Variants in ROBO1 observed in about 807,000 individuals in gnomAD.
The protein encoded by ROBO1 is roundabout guidance receptor 1.
A neutral mutation model predicts 195.9 loss-of-function variants in ROBO1; 149 were observed. The ratio of observed to expected loss-of-function variants is 0.76; its 90% CI spans 0.67 to 0.87. The LOEUF (loss-of-function observed/expected upper bound fraction) is 0.87, where lower values mean the gene tolerates loss of function less well. Ranked by LOEUF, ROBO1 falls within the 40% of genes least tolerant of loss-of-function variation. The pLI is 0.00. For missense variants in ROBO1, 1,933 were observed against 2,068.3 expected, an observed-to-expected ratio of 0.93 and a Z score of 1.27; for synonymous variants, 816 against 733.2, an observed-to-expected ratio of 1.11 and a Z score of -1.82.
At chr3:78,735,321 T>C (rs1433726359) in intron 5 of ROBO1, among the ~76,000 whole-genome samples, 1 of 152,150 alleles carries the variant, frequency 6.6e-6, no homozygotes, top group Non-Finnish European at 1.5e-5. Context: ...AGGATCCTAA[T>C]AAACAGGCAA....
intron 2 of ROBO1, among the ~76,000 whole-genome samples, chr3:79,287,343 C>T (rs1370342952): frequency 6.6e-6 from 1 of 152,064 alleles, no homozygotes; most frequent in Non-Finnish European, 1.5e-5. Flanking sequence ...AGTAACAAGC[C>T]TGGTTTGAGT....
At chr3:79,232,120 G>A (rs2082330648) in intron 2 of ROBO1, among the ~76,000 whole-genome samples, 1 of 151,852 alleles carries the variant, frequency 6.6e-6, no homozygotes, top group Non-Finnish European at 1.5e-5. Flanking sequence ...TAATACTTGG[G>A]TGATGAAATA....
chr3:78,598,989 AT>A, intron 30 of ROBO1, 62 bp from the exon 31 acceptor site: 2 of 887,172 alleles, frequency 2.3e-6, no homozygotes. Flanking sequence ...TGTTATATTT[AT>A]TTATATGCAT....
intron 4 of ROBO1, among the ~76,000 whole-genome samples, chr3:78,890,531 G>T (rs772884182): frequency 1.3e-5 from 2 of 152,092 alleles, no homozygotes; most frequent in African/African-American, 2.4e-5. Context: ...ATGACAATTT[G>T]TTATAGGAGC....
intron 2 of ROBO1, among the ~76,000 whole-genome samples, chr3:79,327,576 C>T (rs1267489627): frequency 6.6e-6 from 1 of 151,602 alleles, no homozygotes; most frequent in Non-Finnish European, 1.5e-5. Context: ...ATAGATTCCT[C>T]AAAATAAAAT....
rs1703501436 is a variant in ROBO1, at chr3:78,607,005, T to G, written c.4472A>C (p.Lys1491Thr). The G allele has an allele frequency of 6.2e-7, 1 of 1,612,734 alleles. No individual in the cohort carries two copies. Among genetic ancestry groups the G allele is most frequent in the African/African-American group, 1.3e-5 (1 of 74,984 alleles). The change falls in exon 29 of 31, where the codon AAG becomes ACG. Residue 1491 changes from lysine to threonine, a missense_variant. Lys to Thr is a moderately conservative substitution (Grantham distance 78, BLOSUM62 -1). Around this residue, in one of 3 missense-constraint regions of ROBO1, gnomAD observed 1,737 missense variants for 1,882.5 expected, o/e 0.92. Coordinates refer to ENST00000464233, the MANE Select transcript of ROBO1 (RefSeq NM_002941.4). ...PPPPVPPPAI[K>T]SPTAQSKTQL... The stretch of plus-strand genomic sequence containing the variant: ...TGTCTTGGATTGGGCAGTAGGTGAC[T>G]TTATAGCAGGTGGCGGCACAGGAGG...
intron 2 of ROBO1, among the ~76,000 whole-genome samples, chr3:79,372,591 C>T (rs537616260): frequency 7.2e-5 from 11 of 152,096 alleles, no homozygotes; most frequent in Admixed American, 3.9e-4. Flanking sequence ...TGCCTTCCCC[C>T]CTACCCCTCA....
chr3:79,343,751 A>T (rs2035000065), intron 2 of ROBO1, among the ~76,000 whole-genome samples: 1 of 152,206 alleles, frequency 6.6e-6, no homozygotes, highest in African/African-American at 2.4e-5. Flanking sequence ...AAGGAAGAAC[A>T]GCAAACAAAG....
chr3:78,945,193 T>G (rs1028699934), intron 3 of ROBO1, among the ~76,000 whole-genome samples: 1 of 152,092 alleles, frequency 6.6e-6, no homozygotes, highest in African/African-American at 2.4e-5. Flanking sequence ...GCACGCAGCT[T>G]GAGATCTGAG....
intron 3 of ROBO1, among the ~76,000 whole-genome samples, chr3:79,018,037 C>T (rs2077995409): frequency 6.6e-6 from 1 of 152,164 alleles, no homozygotes; most frequent in African/African-American, 2.4e-5. Context: ...AAGCAGCCGG[C>T]GGCTGATACT....
chr3:79,218,390 T>C (rs1221834925), intron 2 of ROBO1, among the ~76,000 whole-genome samples: 2 of 151,946 alleles, frequency 1.3e-5, no homozygotes, highest in African/African-American at 4.8e-5. Flanking sequence ...CCCAGGCCAT[T>C]TCATGCATGT....
intron 2 of ROBO1, among the ~76,000 whole-genome samples, chr3:79,416,542 A>C (rs1478131805): frequency 6.6e-6 from 1 of 151,406 alleles, no homozygotes; most frequent in Admixed American, 6.6e-5. Flanking sequence ...CTAGGAGGTC[A>C]AGGTGCAGTG....
At chr3:79,532,054 G>A (rs1941683524) in intron 2 of ROBO1, among the ~76,000 whole-genome samples, 1 of 152,048 alleles carries the variant, frequency 6.6e-6, no homozygotes, top group South Asian at 2.1e-4. Flanking sequence ...TTTAGTCAAG[G>A]TAAATGGTAT....
chr3:79,374,914 G>A lies in ROBO1; in HGVS notation c.88+214910C>T, dbSNP rs143786111. On this transcript the variant is annotated intron_variant, in intron 2 of 30. Transcript: ENST00000464233. ...CTAGGCAAAGGACTTTAGCATATGT[G>A]TTTTTATTCTTACTGAATGTACTTA... Among the ~76,000 whole-genome samples the A allele has an allele frequency of 5.9e-5, 9 of 152,192 alleles. No individual in the cohort carries two copies. In the East Asian group the frequency reaches 1.7e-3, roughly 29 times the overall value.
chr3:79,660,868 T>C (rs950688685), intron 1 of ROBO1, among the ~76,000 whole-genome samples: 5 of 152,106 alleles, frequency 3.3e-5, no homozygotes, highest in Non-Finnish European at 7.4e-5. Context: ...CCAAGACCAG[T>C]TAAGGTCCTG....
At chr3:78,747,006 A>G (rs559684531) in intron 4 of ROBO1, 106 bp from the exon 5 acceptor site, 1 of 645,710 alleles carries the variant, frequency 1.5e-6, no homozygotes. Context: ...ACTACCACTA[A>G]TAGCTCTTGC....
At chr3:79,410,770 G>T (rs2037736369) in intron 2 of ROBO1, among the ~76,000 whole-genome samples, 1 of 152,112 alleles carries the variant, frequency 6.6e-6, no homozygotes, top group Non-Finnish European at 1.5e-5. Context: ...GGGAAATTCG[G>T]TTGGCAGCAG....
Position 79,760,497 on chromosome 3 carries a change from CAA to C in ROBO1, c.-51+7253_-51+7254del, listed in dbSNP as rs71631676. Among the ~76,000 whole-genome samples the C allele has an allele frequency of 3.1e-3, 354 of 114,826 alleles. 1 individual carries two copies. Among genetic ancestry groups the C allele is most frequent in the African/African-American group, 9.7e-3 (290 of 29,932 alleles). The allele number at this position is 114,826 out of a possible 152,430, so 75.3% of individuals were successfully genotyped here. ...GGAAAATATATTTCCAATGCAATAC[CAA>C]AAAAAAAAAAAAAATAGAATCCAGG... On this transcript the variant is annotated intron_variant, in intron 1 of 30. Coordinates refer to ENST00000464233, the MANE Select transcript of ROBO1 (RefSeq NM_002941.4).
chr3:79,291,097 GGTTT>G (rs2032217675), intron 2 of ROBO1, among the ~76,000 whole-genome samples: 1 of 151,998 alleles, frequency 6.6e-6, no homozygotes, highest in Admixed American at 6.6e-5. Flanking sequence ...TCAATATATC[GGTTT>G]GTTATTCCAT....
Sources: gnomAD v4.1 joint callset for allele counts (sites outside exome capture counted in the v4.1 genomes callset) on GRCh38, gnomAD v4.1.1 for gene constraint, gnomAD v4.1.1 regional missense constraint, MANE v1.5 for transcripts, NCBI Gene and HGNC (gene_info 2026-07-23, HGNC 2026-07-21) for gene names.